Variants in SGK2 observed in about 807,000 individuals in gnomAD.
The protein encoded by SGK2 is serine/threonine-protein kinase Sgk2.
A neutral mutation model predicts 47.5 loss-of-function variants in SGK2; 36 were observed. The ratio of observed to expected loss-of-function variants is 0.76; its 90% CI spans 0.58 to 1.00. The LOEUF (loss-of-function observed/expected upper bound fraction) is 1.00. Among genes scored for constraint, SGK2 ranks in the 50% least tolerant of loss-of-function variants. The probability of loss-of-function intolerance (pLI) is 0.00; values close to 1 mark genes in which losing one functional copy is unlikely to be tolerated. For missense variants in SGK2, 404 were observed against 467.4 expected (o/e 0.86, Z 1.25); for synonymous variants, 157 against 181.9 (o/e 0.86, Z 1.10).
chr20:43,576,772 C>T (rs1157572393), intron 11 of SGK2, among the ~76,000 whole-genome samples: 8 of 152,348 alleles, frequency 5.3e-5, no homozygotes, highest in Admixed American at 2.0e-4. Context: ...TAAACCCTGT[C>T]TCTACTAAAA....
At chr20:43,569,983 T>A (rs1189666513) in intron 6 of SGK2, among the ~76,000 whole-genome samples, 1 of 152,170 alleles carries the variant, frequency 6.6e-6, no homozygotes, top group Non-Finnish European at 1.5e-5. Flanking sequence ...CTGGTCAAGA[T>A]GCAAAATGTA....
intron 12 of SGK2, chr20:43,583,750 C>A: frequency 3.2e-6 from 1 of 311,490 alleles, no homozygotes; most frequent in Non-Finnish European, 4.7e-6. Flanking sequence ...ATTAGCATTG[C>A]TTGAGGCCAG....
intron 3 of SGK2, 143 bp from the exon 4 acceptor site, chr20:43,567,522 T>C (rs890484653): frequency 1.1e-5 from 8 of 718,028 alleles, no homozygotes; most frequent in Non-Finnish European, 1.7e-5. Flanking sequence ...AACATGGGGT[T>C]CTTCGGGGGT....
At chr20:43,566,979 T>G (rs1339027194) in intron 2 of SGK2, 89 bp from the exon 3 acceptor site, 22 of 1,050,026 alleles carry the variant, frequency 2.1e-5, no homozygotes, top group East Asian at 2.4e-5. Flanking sequence ...CTAGTAGAGT[T>G]GTTGGAGAAG....
chr20:43,567,826 A>G, intron 4 of SGK2, 90 bp from the exon 5 acceptor site: 1 of 1,541,312 alleles, frequency 6.5e-7, no homozygotes, highest in South Asian at 1.1e-5. Context: ...TCGCACCTGC[A>G]GACAAAAGCA....
chr20:43,564,749 C>A (rs1253298599), intron 1 of SGK2: 4 of 152,612 alleles, frequency 2.6e-5, no homozygotes, highest in Non-Finnish European at 4.4e-5. Context: ...ACCACACACA[C>A]TGAGATACAG....
intron 1 of SGK2, among the ~76,000 whole-genome samples, chr20:43,562,898 C>T (rs565205895): frequency 6.7e-6 from 1 of 149,408 alleles, no homozygotes; most frequent in South Asian, 2.2e-4. Flanking sequence ...TTTGGGAGGC[C>T]GAGGCAGGCA....
chr20:43,584,982 A>T lies in SGK2; in HGVS notation c.1070A>T (p.Tyr357Phe). The T allele has an allele frequency of 6.2e-7, 1 of 1,614,068 alleles. No individual in the cohort carries two copies. The change falls in exon 13 of 13, where the codon TAT becomes TTT. Residue 357 changes from tyrosine (Y) to phenylalanine (F), a missense_variant. By Grantham distance (22) the Tyr-to-Phe change is conservative. Coordinates refer to ENST00000373100, the MANE Select transcript of SGK2 (RefSeq NM_170693.3). ...GASSAFLGFS[Y>F]APEDDDILDC is the part of the protein sequence containing the mutation. ...TCAAGTGCATTCCTGGGATTTTCTTATGCGCCAGAGGATGATGACATCTTG... is the reference window on the plus strand; with the variant it reads ...TCAAGTGCATTCCTGGGATTTTCTTTTGCGCCAGAGGATGATGACATCTTG...
Position 43,584,928 on chromosome 20 carries a change from CT to C in SGK2, c.1017del (p.Asp340ThrfsTer57). The C allele has an allele frequency of 6.2e-7, 1 of 1,614,162 alleles. No individual in the cohort carries two copies. The highest frequency in any genetic ancestry group is 8.5e-7 in the Non-Finnish European group (1 of 1,180,012). The stretch of plus-strand genomic sequence containing the variant: ...GTGTCCAAGTCCATTGGCTGTACCC[CT>C]GACACTGTGGCCAGCAGCTCTGGGG... ...EAVSKSIGCT[P>X]DTVASSSGAS... On this transcript the variant is annotated frameshift_variant, in exon 13 of 13. Transcript: ENST00000373100. LOFTEE classifies it high-confidence loss of function.
intron 1 of SGK2, among the ~76,000 whole-genome samples, chr20:43,562,205 T>G (rs1979429427): frequency 1.3e-5 from 2 of 149,226 alleles, no homozygotes; most frequent in African/African-American, 2.5e-5. Flanking sequence ...CTTAAGCTCA[T>G]GAGCTCAAGA....
rs377612011 is a variant in SGK2 at position 43,569,473 on chromosome 20, C to T, written c.317C>T (p.Pro106Leu). ...GGCCTGCGCTACTCCTTCCAGACAC[C>T]TGAGAAGCTCTACTTCGTGCTCGAC... ...LVGLRYSFQT[P>L]EKLYFVLDYV... The change falls in exon 6 of 13, where the codon CCT (proline) becomes CTT (leucine). Residue 106 changes from proline to leucine, a missense_variant. By Grantham distance (98) the Pro-to-Leu change is moderately conservative. Coordinates refer to ENST00000373100, the MANE Select transcript of SGK2 (RefSeq NM_170693.3). 1 of 1,613,786 alleles carries T rather than the reference C, an allele frequency of 6.2e-7. No homozygotes were observed. Among genetic ancestry groups the T allele is most frequent in the African/African-American group, 1.3e-5 (1 of 74,974 alleles).
chr20:43,574,812 G>C (rs1980364332), intron 9 of SGK2, 97 bp from the exon 10 acceptor site: 1 of 789,610 alleles, frequency 1.3e-6, no homozygotes, highest in South Asian at 1.5e-5. Flanking sequence ...GTACAGCAGG[G>C]TCAGCTCTTG....
intron 12 of SGK2, among the ~76,000 whole-genome samples, chr20:43,584,527 C>T (rs1472486573): frequency 6.6e-6 from 1 of 152,148 alleles, no homozygotes; most frequent in Non-Finnish European, 1.5e-5. Context: ...CCTCCTACCC[C>T]CCACACAATG....
chr20:43,559,924 G>A (rs1284131654), intron 1 of SGK2, among the ~76,000 whole-genome samples: 1 of 152,196 alleles, frequency 6.6e-6, no homozygotes, highest in East Asian at 1.9e-4. Flanking sequence ...GGACAGGCTT[G>A]AGGACTCATG....
intron 12 of SGK2, 144 bp from the exon 13 acceptor site, chr20:43,584,708 A>T: frequency 1.5e-6 from 1 of 673,204 alleles, no homozygotes; most frequent in East Asian, 2.5e-5. Flanking sequence ...ATCAATGTAA[A>T]TGCACAGGAA....
In SGK2 at chr20:43,572,783, G is replaced by A. The variant is rs1980220916; in HGVS notation, c.597+646G>A. Among the ~76,000 whole-genome samples, 1 of 152,110 alleles carries A rather than the reference G, an allele frequency of 6.6e-6. No individual in the cohort carries two copies. Among genetic ancestry groups the A allele is most frequent in the East Asian group, 1.9e-4 (1 of 5,198 alleles). On this transcript the variant is annotated intron_variant, in intron 9 of 12. Transcript: ENST00000373100. This position sits in a 1 kb window ranked among gnomAD's most constrained non-coding sequence, Gnocchi z 4.2. ...AGTAACAGGTGAAATTAATTTTAAT[G>A]ATGTATTTTATTTAACCCAATATAT...
chr20:43,575,221 G>A (rs1980392080), intron 10 of SGK2, among the ~76,000 whole-genome samples: 1 of 152,096 alleles, frequency 6.6e-6, no homozygotes, highest in African/African-American at 2.4e-5. Context: ...CCAGAACTTT[G>A]GGAGGCTAAG....
intron 11 of SGK2, among the ~76,000 whole-genome samples, chr20:43,579,172 C>T (rs1980644117): frequency 6.6e-6 from 1 of 152,038 alleles, no homozygotes; most frequent in Admixed American, 6.6e-5. Context: ...CACACACCAC[C>T]ACGCCTGGCT....
At position 43,585,084 on chromosome 20, in the gene SGK2, A is replaced by G; in HGVS notation, c.*68A>G. On this transcript the variant is annotated 3_prime_UTR_variant, in exon 13 of 13. Transcript: ENST00000373100. ...TAAGGAATTACCTTCAGCTGCTAGG[A>G]AGAGCGACTCAAACTAACAATGGCT... 2 of 1,439,046 alleles carry G rather than the reference A, an allele frequency of 1.4e-6. No homozygotes were observed. Among genetic ancestry groups the G allele is most frequent in the African/African-American group, 1.4e-5 (1 of 70,538 alleles). 89.1% of individuals were successfully genotyped at this position (1,439,046 alleles called of 1,614,324 possible).
Sources: allele counts gnomAD v4.1 joint callset (sites outside exome capture counted in the v4.1 genomes callset), GRCh38; gene constraint gnomAD v4.1.1; non-coding constraint Gnocchi (gnomAD v3.1); transcripts MANE v1.5; gene names NCBI Gene and HGNC (gene_info 2026-07-23, HGNC 2026-07-21).